The following GTF2E1 variants were observed in gnomAD, a reference collection of about 807,000 sequenced individuals.
GTF2E1 encodes the protein general transcription factor IIE subunit 1.
GTF2E1 carries 14 observed loss-of-function variants against 34.9 expected under a neutral mutation model. That is an observed-to-expected ratio of 0.40 (90% confidence interval 0.27 to 0.63). GTF2E1 has a LOEUF of 0.63. Among genes scored for constraint, GTF2E1 ranks in the 20% least tolerant of loss-of-function variants. The pLI is 0.39. For synonymous variants in GTF2E1, 188 were observed against 192.9 expected (o/e 0.97, Z 0.21); for missense variants, 469 against 557.7 (o/e 0.84, Z 1.60).
At chr3:120,774,105 A>G (rs1033211177) in intron 3 of GTF2E1, among the ~76,000 whole-genome samples, 2 of 152,194 alleles carry the variant, frequency 1.3e-5, no homozygotes, top group South Asian at 2.1e-4. Flanking sequence ...TTTAAGTCTG[A>G]ATCAAGGAAA....
At chr3:120,776,268 A>G (rs373543057) in intron 3 of GTF2E1, among the ~76,000 whole-genome samples, 155 bp from the exon 4 acceptor site, 4 of 152,220 alleles carry the variant, frequency 2.6e-5, no homozygotes, top group African/African-American at 9.6e-5. Flanking sequence ...TGAGGTATAG[A>G]AGCACTTTCT....
chr3:120,761,786 ATTT>A (rs35658998), intron 2 of GTF2E1, among the ~76,000 whole-genome samples: 121 of 120,136 alleles, frequency 1.0e-3, no homozygotes, highest in African/African-American at 3.8e-3. Flanking sequence ...TCTGAGAGAC[ATTT>A]TTTTTTTTTT....
intron 4 of GTF2E1, among the ~76,000 whole-genome samples, chr3:120,777,353 C>G (rs1415071875): frequency 6.6e-6 from 1 of 152,162 alleles, no homozygotes; most frequent in Non-Finnish European, 1.5e-5. Flanking sequence ...GACGATGACT[C>G]AAGCTGGAAA....
intron 2 of GTF2E1, among the ~76,000 whole-genome samples, chr3:120,755,105 A>T (rs1006532793): frequency 6.6e-6 from 1 of 151,938 alleles, no homozygotes; most frequent in Non-Finnish European, 1.5e-5. Flanking sequence ...GTCTTTGATA[A>T]TTAAGTAAGT....
intron 2 of GTF2E1, among the ~76,000 whole-genome samples, chr3:120,765,033 C>T (rs1709295487): frequency 6.6e-6 from 1 of 151,148 alleles, no homozygotes; most frequent in Admixed American, 6.6e-5. Flanking sequence ...TCCCCCCACC[C>T]TCCCCATCCC....
In GTF2E1 at chr3:120,781,105, G is replaced by A. The variant is rs1415414182; in HGVS notation, c.955G>A (p.Glu319Lys). 34 of 1,613,888 alleles carry A rather than the reference G, an allele frequency of 2.1e-5. No homozygotes were observed. Among genetic ancestry groups the A allele is most frequent in the Middle Eastern group, 3.3e-4 (2 of 6,078 alleles). Residue 319 changes from glutamate (E) to lysine (K), a missense_variant, in exon 5 of 5, where the codon GAA becomes AAA. Transcript: ENST00000283875. ...AGGCCATGCTGGGCCTGATGACAACGAAGAGGTCATGCGAGCACTGCTCAT... is the reference window on the plus strand; with the variant it reads ...AGGCCATGCTGGGCCTGATGACAACAAAGAGGTCATGCGAGCACTGCTCAT... The part of the protein sequence containing the change: ...EEGHAGPDDN[E>K]EVMRALLIHE...
chr3:120,758,147 C>T (rs1709226016), intron 2 of GTF2E1, among the ~76,000 whole-genome samples: 1 of 152,144 alleles, frequency 6.6e-6, no homozygotes, highest in African/African-American at 2.4e-5. Context: ...CAGAGCGAAA[C>T]TCTGTCTCAA....
chr3:120,747,996 G>A (rs1311298457), intron 1 of GTF2E1, among the ~76,000 whole-genome samples: 2 of 151,700 alleles, frequency 1.3e-5, no homozygotes, highest in Admixed American at 1.3e-4. Flanking sequence ...TTCTCTGATG[G>A]CCAGTGATGG....
chr3:120,776,800 T>G (rs751122746), intron 4 of GTF2E1, 136 bp downstream of exon 4: 9 of 716,368 alleles, frequency 1.3e-5, no homozygotes, highest in Non-Finnish European at 2.0e-5. Flanking sequence ...AAGTAAGAAA[T>G]TGAACAATAA....
At chr3:120,766,869 C>T (rs945906682) in intron 2 of GTF2E1, among the ~76,000 whole-genome samples, 1 of 152,044 alleles carries the variant, frequency 6.6e-6, no homozygotes, top group Non-Finnish European at 1.5e-5. Context: ...TCCGTGTCCT[C>T]CTGCCCCTTG....
At chr3:120,770,020 A>C (rs1389635238) in intron 2 of GTF2E1, among the ~76,000 whole-genome samples, 1 of 152,190 alleles carries the variant, frequency 6.6e-6, no homozygotes, top group Non-Finnish European at 1.5e-5. Flanking sequence ...TGTATCAATC[A>C]TACATGGGGC....
chr3:120,760,955 G>A (rs1393139210), intron 2 of GTF2E1, among the ~76,000 whole-genome samples: 1 of 152,100 alleles, frequency 6.6e-6, no homozygotes, highest in African/African-American at 2.4e-5. Context: ...GAGTTAAGGA[G>A]GATTTCCTCT....
intron 2 of GTF2E1, among the ~76,000 whole-genome samples, chr3:120,752,460 T>C (rs143443058): frequency 1.0e-3 from 157 of 152,334 alleles, no homozygotes; most frequent in African/African-American, 3.5e-3. Context: ...GAAGGTGTTA[T>C]CCAGTCCCTT....
chr3:120,753,179 A>T (rs1350749002), intron 2 of GTF2E1, among the ~76,000 whole-genome samples: 1 of 151,250 alleles, frequency 6.6e-6, no homozygotes, highest in Non-Finnish European at 1.5e-5. Context: ...CATTCCTTTT[A>T]GAAATCTTTG....
chr3:120,743,563 T>C (rs949007466), intron 1 of GTF2E1, among the ~76,000 whole-genome samples: 6 of 152,116 alleles, frequency 3.9e-5, no homozygotes, highest in Non-Finnish European at 5.9e-5. Flanking sequence ...GTCTTAGAGA[T>C]AGACATGGAG....
chr3:120,762,739 G>A (rs1024804227), intron 2 of GTF2E1, among the ~76,000 whole-genome samples: 2 of 152,166 alleles, frequency 1.3e-5, no homozygotes, highest in East Asian at 3.8e-4. Flanking sequence ...AGTCATGTTA[G>A]TAACTGTTAC....
At chr3:120,745,894 T>C (rs1032367709) in intron 1 of GTF2E1, among the ~76,000 whole-genome samples, 1 of 152,192 alleles carries the variant, frequency 6.6e-6, no homozygotes, top group Non-Finnish European at 1.5e-5. Flanking sequence ...TTCCCAGGCA[T>C]CCTTAAGCCC....
At position 120,760,815 on chromosome 3, in the gene GTF2E1, G is replaced by T. The variant is rs186480516; in HGVS notation, c.448+9815G>T. 1.7e-4 allele frequency among the ~76,000 whole-genome samples: 26 copies of T among 152,280 alleles called. No individual in the cohort carries two copies. The East Asian group carries it at 1.7e-3, about 10-fold the overall frequency. Reference sequence around the variant, plus strand: ...GGATAAGCTTTTTGATGTGCTGCTGGATTCGGTTTGCCAGTATTGTAGTGA... The same window carrying T: ...GGATAAGCTTTTTGATGTGCTGCTGTATTCGGTTTGCCAGTATTGTAGTGA... On this transcript the variant is annotated intron_variant, in intron 2 of 4. Coordinates refer to ENST00000283875, the MANE Select transcript of GTF2E1 (RefSeq NM_005513.3).
intron 2 of GTF2E1, among the ~76,000 whole-genome samples, chr3:120,768,968 G>A (rs566501290): frequency 2.0e-5 from 3 of 152,072 alleles, no homozygotes; most frequent in African/African-American, 7.2e-5. Flanking sequence ...CTTTCTCAAG[G>A]ATTCCTCATT....
Sources: gnomAD v4.1 joint callset for allele counts (sites outside exome capture counted in the v4.1 genomes callset) on GRCh38, gnomAD v4.1.1 for gene constraint, MANE v1.5 for transcripts, NCBI Gene and HGNC (gene_info 2026-07-23, HGNC 2026-07-21) for gene names.